Variants in MTSS1 observed in about 807,000 individuals in gnomAD.
The protein encoded by MTSS1 is MTSS I-BAR domain containing 1.
In MTSS1, 18 loss-of-function variants were observed where a neutral mutation model predicts 79.0. The observed-to-expected ratio is 0.23, with a 90% CI of 0.16 to 0.34. The LOEUF (loss-of-function observed/expected upper bound fraction) is 0.34. MTSS1 is among the 10% of genes least tolerant of loss of function. The pLI is 1.00. For synonymous variants in MTSS1, 341 were observed against 368.6 expected (o/e 0.93, Z 0.86); for missense variants, 815 against 986.2 (o/e 0.83, Z 2.33).
At position 124,552,859 on chromosome 8, in the gene MTSS1, G is replaced by A. The variant is rs376985109; in HGVS notation, c.*133C>T. The A allele has an allele frequency of 2.0e-5, 16 of 804,132 alleles. No individual in the cohort carries two copies. Among genetic ancestry groups the A allele is most frequent in the Non-Finnish European group, 2.9e-5 (15 of 515,346 alleles). 49.8% of individuals were successfully genotyped at this position (804,132 alleles called of 1,614,324 possible). On this transcript the variant is annotated 3_prime_UTR_variant, in exon 14 of 14. Coordinates refer to ENST00000518547, the MANE Select transcript of MTSS1 (RefSeq NM_014751.6). ...GTTTTAATTCTTATCTAAAGGTGTC[G>A]AGTACTTTCAAAAGAGCTATATTCC...
chr8:124,566,518 A>G (rs1209504116), intron 8 of MTSS1, among the ~76,000 whole-genome samples: 1 of 152,208 alleles, frequency 6.6e-6, no homozygotes, highest in Non-Finnish European at 1.5e-5. Context: ...GTCTCTTCCC[A>G]TAGTGTGCGT....
At chr8:124,608,315 C>T (rs1410394915) in intron 3 of MTSS1, among the ~76,000 whole-genome samples, 1 of 152,236 alleles carries the variant, frequency 6.6e-6, no homozygotes, top group Non-Finnish European at 1.5e-5. Flanking sequence ...GACTGTGGCT[C>T]AGTCATCAGT....
At position 124,727,880 on chromosome 8, in the gene MTSS1, C is replaced by T; in HGVS notation, c.72+4G>A. ...GCGCCGCAGCCGCACCCCCGGCGTC[C>T]TACCTTCATGTCGCTGATGATGGTC... On this transcript the variant is annotated splice_donor_region_variant and intron_variant, in intron 1 of 13. Transcript: ENST00000518547. The surrounding 1 kb of genome is among the most constrained non-coding windows in gnomAD (Gnocchi z 4.7). 1 of 1,593,326 alleles carries T rather than the reference C, an allele frequency of 6.3e-7. No individual in the cohort carries two copies. Among genetic ancestry groups the T allele is most frequent in the Non-Finnish European group, 8.5e-7 (1 of 1,172,788 alleles).
chr8:124,689,419 G>A (rs1159938741), intron 3 of MTSS1, among the ~76,000 whole-genome samples: 1 of 151,668 alleles, frequency 6.6e-6, no homozygotes, highest in Non-Finnish European at 1.5e-5. Context: ...TAGCTCTATG[G>A]CAAATGATTC....
At chr8:124,665,746 A>T (rs1018366280) in intron 3 of MTSS1, among the ~76,000 whole-genome samples, 6 of 152,162 alleles carry the variant, frequency 3.9e-5, no homozygotes, top group African/African-American at 1.4e-4. Context: ...GCATGCCTGT[A>T]ATCCAAGCTA....
At chr8:124,691,554 T>C (rs1028268521) in intron 3 of MTSS1, among the ~76,000 whole-genome samples, 1 of 152,220 alleles carries the variant, frequency 6.6e-6, no homozygotes, top group African/African-American at 2.4e-5. Flanking sequence ...CTTGCTCTGT[T>C]GCCCAGGCTG....
intron 10 of MTSS1, chr8:124,558,836 C>A: frequency 6.4e-7 from 1 of 1,554,324 alleles, no homozygotes; most frequent in Non-Finnish European, 8.6e-7. Flanking sequence ...ACGAGTTCTG[C>A]AGCAGGGGAG....
chr8:124,704,258 C>T, intron 1 of MTSS1, 67 bp from the exon 2 acceptor site: 1 of 1,320,882 alleles, frequency 7.6e-7, no homozygotes, highest in Non-Finnish European at 1.1e-6. Context: ...ATTAACAGAG[C>T]ACCCAATTCC....
Position 124,551,875 on chromosome 8 carries a change from AAAAC to A in MTSS1, c.*1113_*1116del, listed in dbSNP as rs1405803376. On this transcript the variant is annotated 3_prime_UTR_variant, in exon 14 of 14. Coordinates refer to ENST00000518547, the MANE Select transcript of MTSS1 (RefSeq NM_014751.6). ...GCCATTTATTTGAAAGAAGAAAAGAAAAACAAGCCCCCAGATTGGTAAACACATT... is the reference window on the plus strand; with the variant it reads ...GCCATTTATTTGAAAGAAGAAAAGAAAAGCCCCCAGATTGGTAAACACATT... 5 of 152,680 alleles carry A rather than the reference AAAAC, an allele frequency of 3.3e-5. No homozygotes were observed. Among genetic ancestry groups the A allele is most frequent in the Non-Finnish European group, 5.9e-5 (4 of 68,040 alleles). 9.5% of individuals were successfully genotyped at this position (152,680 alleles called of 1,614,324 possible). A position where few individuals can be genotyped will look rare whatever the true frequency, so the allele number is the denominator to read the frequency against.
intron 3 of MTSS1, among the ~76,000 whole-genome samples, chr8:124,678,614 G>A (rs1253733063): frequency 2.0e-5 from 3 of 152,162 alleles, no homozygotes; most frequent in East Asian, 1.9e-4. Flanking sequence ...CACAAGAACA[G>A]CACAGGAAAA....
chr8:124,713,816 C>T (rs987589273), intron 1 of MTSS1, among the ~76,000 whole-genome samples: 1 of 151,666 alleles, frequency 6.6e-6, no homozygotes, highest in African/African-American at 2.4e-5. Flanking sequence ...ACTTCCCAGG[C>T]CCCTCATTGC....
intron 3 of MTSS1, among the ~76,000 whole-genome samples, chr8:124,655,439 C>T (rs1331937310): frequency 6.6e-6 from 1 of 152,190 alleles, no homozygotes. Flanking sequence ...TACGCCCTTC[C>T]TCATCCCAGC....
At chr8:124,699,854 A>C (rs1225206709) in intron 2 of MTSS1, among the ~76,000 whole-genome samples, 1 of 152,086 alleles carries the variant, frequency 6.6e-6, no homozygotes, top group Admixed American at 6.6e-5. Flanking sequence ...ACTGTATAAA[A>C]CCATTACCAG....
At chr8:124,572,592 A>G (rs1229443023) in intron 6 of MTSS1, among the ~76,000 whole-genome samples, 2 of 152,070 alleles carry the variant, frequency 1.3e-5, no homozygotes, top group Non-Finnish European at 2.9e-5. Context: ...ACTTGACTCC[A>G]TCCTCGTCTC....
chr8:124,614,085 G>A (rs937120174), intron 3 of MTSS1, among the ~76,000 whole-genome samples: 2 of 146,760 alleles, frequency 1.4e-5, no homozygotes, highest in Admixed American at 1.4e-4. Context: ...GATGGTTTAA[G>A]CCCAATAGGC....
chr8:124,620,397 G>A (rs57360261), intron 3 of MTSS1, among the ~76,000 whole-genome samples: 2,763 of 152,292 alleles, frequency 0.018, 76 homozygotes, highest in African/African-American at 0.061. Flanking sequence ...AAGAGAAATA[G>A]CTTTTGCTCC....
chr8:124,701,203 C>CT (rs1219644506), intron 2 of MTSS1, among the ~76,000 whole-genome samples: 1 of 152,094 alleles, frequency 6.6e-6, no homozygotes, highest in African/African-American at 2.4e-5. Context: ...CACTACTGTA[C>CT]TCCAGCCTAG....
intron 8 of MTSS1, 79 bp downstream of exon 8, chr8:124,566,992 C>T (rs1826634324): frequency 6.5e-6 from 7 of 1,084,480 alleles, no homozygotes; most frequent in Non-Finnish European, 9.7e-6. Flanking sequence ...AGACGTGACA[C>T]ATGCCACAGG....
At chr8:124,681,775 C>CA (rs747292395) in intron 3 of MTSS1, among the ~76,000 whole-genome samples, 4 of 151,498 alleles carry the variant, frequency 2.6e-5, no homozygotes, top group East Asian at 3.9e-4. Flanking sequence ...GTGACAAGAG[C>CA]AAAAAAAATG....
Sources: allele counts gnomAD v4.1 joint callset (sites outside exome capture counted in the v4.1 genomes callset), GRCh38; gene constraint gnomAD v4.1.1; non-coding constraint Gnocchi (gnomAD v3.1); transcripts MANE v1.5; gene names NCBI Gene and HGNC (gene_info 2026-07-23, HGNC 2026-07-21).